The following CADPS2 variants were observed in gnomAD, a reference collection of about 807,000 sequenced individuals.
CADPS2 encodes calcium-dependent secretion activator 2.
CADPS2 carries 93 observed loss-of-function variants against 172.5 expected under a neutral mutation model. That is an observed-to-expected ratio of 0.54 (90% CI 0.46 to 0.64). The LOEUF is 0.64. Among genes scored for constraint, CADPS2 ranks in the 30% least tolerant of loss-of-function variants. The probability of loss-of-function intolerance (pLI) is 0.00; values close to 1 mark genes in which losing one functional copy is unlikely to be tolerated. For missense variants in CADPS2, 1,420 were observed against 1,565.9 expected (o/e 0.91, Z 1.57); for synonymous variants, 546 against 555.2 (o/e 0.98, Z 0.23).
chr7:122,572,844 C>A (rs73433782), intron 7 of CADPS2, among the ~76,000 whole-genome samples: 4,242 of 152,200 alleles, frequency 0.028, 73 homozygotes, highest in South Asian at 0.055. Flanking sequence ...CCTTGTTCTG[C>A]CTCCAGGTAT....
intron 1 of CADPS2, among the ~76,000 whole-genome samples, chr7:122,832,875 C>CT (rs948746854): frequency 3.7e-4 from 57 of 152,012 alleles, no homozygotes; most frequent in African/African-American, 8.0e-4. Flanking sequence ...AGACTGCTGG[C>CT]TTTTTTTTAA....
Position 122,490,207 on chromosome 7 carries a change from G to T in CADPS2, c.1726C>A (p.Gln576Lys), listed in dbSNP as rs1203224755. ...DTVIFASDDE[Q>K]DRILWVQAMY... Reference sequence around the variant, plus strand: ...GCTTGAACCCATAATATTCTGTCCTGTTCATCATCACTGGCAAAGATTACA... The same window carrying T: ...GCTTGAACCCATAATATTCTGTCCTTTTCATCATCACTGGCAAAGATTACA... Residue 576 changes from glutamine (Q) to lysine (K), a missense_variant, in exon 11 of 30, where the codon CAG (glutamine) becomes AAG (lysine). Coordinates refer to ENST00000449022, the MANE Select transcript of CADPS2 (RefSeq NM_017954.11). 1 of 1,613,218 alleles carries T rather than the reference G, an allele frequency of 6.2e-7. No individual in the cohort carries two copies. Among genetic ancestry groups the T allele is most frequent in the African/African-American group, 1.3e-5 (1 of 74,952 alleles).
At chr7:122,622,534 T>A (rs2134016496) in intron 4 of CADPS2, among the ~76,000 whole-genome samples, 1 of 152,316 alleles carries the variant, frequency 6.6e-6, no homozygotes. Flanking sequence ...GCCGAATCAT[T>A]CTTAGAGAAG....
intron 2 of CADPS2, among the ~76,000 whole-genome samples, chr7:122,676,001 A>C (rs1001216582): frequency 6.6e-6 from 1 of 152,138 alleles, no homozygotes; most frequent in African/African-American, 2.4e-5. Flanking sequence ...ACAACAACAA[A>C]AAAAGAAATT....
At chr7:122,361,198 T>C (rs1311083228) in intron 25 of CADPS2, among the ~76,000 whole-genome samples, 185 bp from the exon 26 acceptor site, 2 of 151,904 alleles carry the variant, frequency 1.3e-5, no homozygotes, top group East Asian at 3.9e-4. Flanking sequence ...ACTGTCCTTT[T>C]CTTTCCCATG....
intron 8 of CADPS2, among the ~76,000 whole-genome samples, chr7:122,541,342 G>A (rs185451611): frequency 6.8e-4 from 98 of 143,734 alleles, no homozygotes; most frequent in African/African-American, 2.5e-3. Context: ...GATTACAGGC[G>A]CCCACCACCA....
At chr7:122,490,427 C>T in intron 10 of CADPS2, 146 bp from the exon 11 acceptor site, 1 of 640,996 alleles carries the variant, frequency 1.6e-6, no homozygotes, top group Non-Finnish European at 2.7e-6. Flanking sequence ...GGATCAAATC[C>T]ACAATCAAAG....
intron 25 of CADPS2, among the ~76,000 whole-genome samples, chr7:122,365,066 C>G (rs1435029884): frequency 6.6e-6 from 1 of 152,154 alleles, no homozygotes; most frequent in African/African-American, 2.4e-5. Context: ...CTGGCAAATG[C>G]ATTTAGGGCA....
intron 11 of CADPS2, among the ~76,000 whole-genome samples, chr7:122,486,422 G>A (rs7779122): frequency 0.021 from 3,180 of 152,246 alleles, 119 homozygotes; most frequent in African/African-American, 0.073. Flanking sequence ...AGTGGAGGAA[G>A]TCACTGCAGA....
At chr7:122,386,076 CGT>C (rs1167337979) in intron 24 of CADPS2, among the ~76,000 whole-genome samples, 1 of 151,998 alleles carries the variant, frequency 6.6e-6, no homozygotes, top group South Asian at 2.1e-4. Flanking sequence ...ACATTTCCCT[CGT>C]CATTATTTAA....
intron 14 of CADPS2, among the ~76,000 whole-genome samples, chr7:122,453,425 A>G (rs1486227137): frequency 3.3e-5 from 5 of 152,214 alleles, no homozygotes; most frequent in African/African-American, 1.2e-4. Context: ...TGCATTGACA[A>G]TGATCACAAA....
intron 1 of CADPS2, among the ~76,000 whole-genome samples, chr7:122,831,215 G>A (rs1457218693): frequency 1.3e-5 from 2 of 152,116 alleles, no homozygotes; most frequent in Admixed American, 6.6e-5. Context: ...CTGTAAAAGG[G>A]AAACCAAGTC....
intron 9 of CADPS2, among the ~76,000 whole-genome samples, chr7:122,502,449 T>G: frequency 6.6e-6 from 1 of 152,002 alleles, no homozygotes; most frequent in East Asian, 1.9e-4. Flanking sequence ...TTTCTTAGCA[T>G]TTAATTTTTA....
At chr7:122,365,287 C>T (rs2040707165) in intron 25 of CADPS2, among the ~76,000 whole-genome samples, 1 of 152,200 alleles carries the variant, frequency 6.6e-6, no homozygotes, top group African/African-American at 2.4e-5. Flanking sequence ...AGGCTCAATA[C>T]AGCTGGGAAT....
At chr7:122,838,575 C>G (rs1809329319) in intron 1 of CADPS2, among the ~76,000 whole-genome samples, 1 of 152,200 alleles carries the variant, frequency 6.6e-6, no homozygotes, top group Admixed American at 6.5e-5. Context: ...GCAACTTCAG[C>G]AAAGTCTCAG....
At chr7:122,630,157 T>C (rs2076438604) in intron 3 of CADPS2, among the ~76,000 whole-genome samples, 1 of 152,174 alleles carries the variant, frequency 6.6e-6, no homozygotes, top group Non-Finnish European at 1.5e-5. Context: ...CGAAGAAGCC[T>C]GGACTGCACA....
At position 122,325,533 on chromosome 7, in the gene CADPS2, T is replaced by G. The variant is rs778682084; in HGVS notation, c.3661A>C (p.Arg1221=). Residue 1221 remains arginine (R), a synonymous_variant, in exon 29 of 30, where the codon AGA becomes CGA. Coordinates refer to ENST00000449022, the MANE Select transcript of CADPS2 (RefSeq NM_017954.11). ...TAAATATGGAGTTGGAGGTCTAATC[T>G]ATCAGTCAACCACACGCAAATGACT... is the stretch of plus-strand genomic sequence containing the variant. ...MKVICVWLTD[R]LDLQLHIYQL... is the part of the protein sequence containing the mutation. 8 of 1,611,722 alleles carry G rather than the reference T, an allele frequency of 5.0e-6. No individual in the cohort carries two copies. In the Admixed American group the frequency reaches 1.3e-4, roughly 27 times the overall value.
At chr7:122,818,924 G>C (rs1175751011) in intron 1 of CADPS2, among the ~76,000 whole-genome samples, 1 of 152,076 alleles carries the variant, frequency 6.6e-6, no homozygotes, top group African/African-American at 2.4e-5. Context: ...AAGGTCAAAA[G>C]GCCGTCTTAT....
At chr7:122,443,346 A>G (rs888798083) in intron 15 of CADPS2, among the ~76,000 whole-genome samples, 2 of 152,242 alleles carry the variant, frequency 1.3e-5, no homozygotes, top group African/African-American at 4.8e-5. Flanking sequence ...AAAGAAGAGA[A>G]GCATTTTGTT....
Sources: allele counts gnomAD v4.1 joint callset (sites outside exome capture counted in the v4.1 genomes callset), GRCh38; gene constraint gnomAD v4.1.1; transcripts MANE v1.5; gene names NCBI Gene and HGNC (gene_info 2026-07-23, HGNC 2026-07-21).